TENM2: variants seen among roughly 807,000 people sequenced by gnomAD.
TENM2 encodes teneurin transmembrane protein 2.
In TENM2, 52 loss-of-function variants were observed where a neutral mutation model predicts 245.2. That is an observed-to-expected ratio of 0.21 (90% CI 0.17 to 0.27). The LOEUF (loss-of-function observed/expected upper bound fraction) is 0.27. Ranked by LOEUF, TENM2 falls within the 10% of genes least tolerant of loss-of-function variation. TENM2 has a pLI of 1.00. For missense variants in TENM2, 3,046 were observed against 3,666.8 expected (o/e 0.83, Z 4.37); for synonymous variants, 1,363 against 1,438.9 (o/e 0.95, Z 1.19).
intron 23 of TENM2, among the ~76,000 whole-genome samples, chr5:168,224,969 G>T (rs1421136367): frequency 6.6e-6 from 1 of 152,168 alleles, no homozygotes; most frequent in African/African-American, 2.4e-5. Context: ...TAAAGGTGAT[G>T]TGGGGAGAAA....
chr5:167,017,065 C>T, the TENM2 span, among the ~76,000 whole-genome samples: 15 of 152,206 alleles, frequency 9.9e-5, no homozygotes, highest in Non-Finnish European at 1.8e-4. Flanking sequence ...GAGATGGAAT[C>T]AGCTTTTCTC....
intron 2 of TENM2, among the ~76,000 whole-genome samples, chr5:167,739,989 A>G (rs1019317526): frequency 1.3e-5 from 2 of 152,216 alleles, no homozygotes; most frequent in African/African-American, 4.8e-5. Flanking sequence ...AGATGCTACT[A>G]AAATAAAATC....
chr5:167,961,786 A>G (rs560382573), intron 4 of TENM2, among the ~76,000 whole-genome samples: 30 of 152,362 alleles, frequency 2.0e-4, no homozygotes, highest in Middle Eastern at 3.4e-3. Context: ...ATAGTAAACT[A>G]TGAGCCATGT....
At chr5:167,308,736 C>A (rs182488580) in intron 1 of TENM2, among the ~76,000 whole-genome samples, 1 of 152,222 alleles carries the variant, frequency 6.6e-6, no homozygotes, top group Non-Finnish European at 1.5e-5. Context: ...TATAAATATG[C>A]TGTCGGGCTC....
rs549418735 is a variant in TENM2, at chr5:167,764,567, A to G, written c.503-111419A>G. On this transcript the variant is annotated intron_variant, in intron 2 of 28. Coordinates refer to ENST00000518659, the Ensembl canonical transcript of TENM2. The stretch of plus-strand genomic sequence containing the variant: ...GTTCCCACTCTTGCCTTTGTGTTTC[A>G]GACAGTGCATTGAGTTACATGTGGC... Among the ~76,000 whole-genome samples the G allele has an allele frequency of 2.0e-5, 3 of 152,262 alleles. No homozygotes were observed. The East Asian group carries it at 5.8e-4, about 29-fold the overall frequency.
At chr5:167,215,048 G>C in the TENM2 span, among the ~76,000 whole-genome samples, 1 of 152,044 alleles carries the variant, frequency 6.6e-6, no homozygotes, top group South Asian at 2.1e-4. Context: ...GAATAAGATG[G>C]AACAGAGGTG....
At chr5:167,496,977 T>A (rs1326783926) in intron 2 of TENM2, among the ~76,000 whole-genome samples, 1 of 151,962 alleles carries the variant, frequency 6.6e-6, no homozygotes, top group Non-Finnish European at 1.5e-5. Context: ...ATAATTAGAA[T>A]CACTAGACAT....
chr5:168,061,285 A>G (rs1017406721), intron 6 of TENM2, among the ~76,000 whole-genome samples: 1 of 152,150 alleles, frequency 6.6e-6, no homozygotes, highest in African/African-American at 2.4e-5. Flanking sequence ...TTCTTGGGCA[A>G]CTGCTAGTCA....
intron 25 of TENM2, among the ~76,000 whole-genome samples, chr5:168,235,753 G>C (rs559422059): frequency 6.6e-6 from 1 of 152,164 alleles, no homozygotes; most frequent in East Asian, 1.9e-4. Flanking sequence ...GTTGCAGTAA[G>C]CCGAGATGGC....
intron 2 of TENM2, chr5:167,755,024 C>G (rs188450046): frequency 6.3e-7 from 1 of 1,584,950 alleles, no homozygotes; most frequent in South Asian, 1.1e-5. Context: ...AAACACAAAA[C>G]GAAGAGCGGC....
intron 2 of TENM2, among the ~76,000 whole-genome samples, chr5:167,452,932 T>TTAG (rs1765674461): frequency 7.1e-5 from 1 of 14,078 alleles, no homozygotes; most frequent in Non-Finnish European, 1.2e-4. Flanking sequence ...AAGTATGATT[T>TTAG]ATATATATAT....
chr5:167,810,805 G>T (rs539120091), intron 2 of TENM2, among the ~76,000 whole-genome samples: 2 of 152,048 alleles, frequency 1.3e-5, no homozygotes. Flanking sequence ...TTGAAGAACT[G>T]GCTTCACTCT....
intron 2 of TENM2, among the ~76,000 whole-genome samples, chr5:167,596,146 C>A (rs537446408): frequency 6.6e-6 from 1 of 152,210 alleles, no homozygotes; most frequent in South Asian, 2.1e-4. Flanking sequence ...ATTGGGGGTG[C>A]GACAGGAATA....
the TENM2 span, among the ~76,000 whole-genome samples, chr5:167,175,658 C>A: frequency 3.3e-5 from 5 of 152,150 alleles, no homozygotes; most frequent in African/African-American, 1.2e-4. Context: ...TTTCCTCTGG[C>A]CTGAACTCTC....
chr5:167,633,293 T>A (rs1778989277), intron 2 of TENM2, among the ~76,000 whole-genome samples: 1 of 152,180 alleles, frequency 6.6e-6, no homozygotes, highest in African/African-American at 2.4e-5. Flanking sequence ...GAGTTTACAT[T>A]CCTTTCAGGT....
At chr5:167,603,404 T>A (rs1776788270) in intron 2 of TENM2, among the ~76,000 whole-genome samples, 2 of 152,182 alleles carry the variant, frequency 1.3e-5, no homozygotes, top group Admixed American at 1.3e-4. Context: ...TATTCTTGGC[T>A]GGGCACAGTG....
At chr5:167,215,860 C>T in the TENM2 span, among the ~76,000 whole-genome samples, 1 of 152,216 alleles carries the variant, frequency 6.6e-6, no homozygotes, top group African/African-American at 2.4e-5. Context: ...GTATTCTATG[C>T]TGTATACCAC....
intron 5 of TENM2, among the ~76,000 whole-genome samples, chr5:168,028,450 G>A (rs1001531668): frequency 6.6e-6 from 1 of 152,060 alleles, no homozygotes; most frequent in African/African-American, 2.4e-5. Context: ...CTAGGCATGG[G>A]CAGTGCTTTT....
intron 5 of TENM2, among the ~76,000 whole-genome samples, chr5:168,012,884 G>A (rs1311493985): frequency 6.6e-6 from 1 of 150,964 alleles, no homozygotes; most frequent in Non-Finnish European, 1.5e-5. Flanking sequence ...CGTTTCTGCT[G>A]CTCAGTGATG....
Sources: allele counts gnomAD v4.1 joint callset (sites outside exome capture counted in the v4.1 genomes callset), GRCh38; gene constraint gnomAD v4.1.1; transcripts MANE v1.5; gene names NCBI Gene and HGNC (gene_info 2026-07-23, HGNC 2026-07-21).